Variants in ITPR1 observed in about 807,000 individuals in gnomAD.
The protein encoded by ITPR1 is inositol 1,4,5-trisphosphate-gated calcium channel ITPR1.
A neutral mutation model predicts 318.4 loss-of-function variants in ITPR1; 96 were observed. The observed-to-expected ratio is 0.30, with a 90% CI of 0.26 to 0.36. The LOEUF (loss-of-function observed/expected upper bound fraction) is 0.36, where lower values mean the gene tolerates loss of function less well. Ranked by LOEUF, ITPR1 falls within the 10% of genes least tolerant of loss-of-function variation. ITPR1 has a pLI of 1.00. For missense variants in ITPR1, 2,440 were observed against 3,460.2 expected, an observed-to-expected ratio of 0.71 and a Z score of 7.40; for synonymous variants, 1,312 against 1,289.9, an observed-to-expected ratio of 1.02 and a Z score of -0.37.
intron 46 of ITPR1, among the ~76,000 whole-genome samples, chr3:4,771,978 G>A (rs1359811778): frequency 6.6e-6 from 1 of 152,308 alleles, no homozygotes; most frequent in African/African-American, 2.4e-5. Flanking sequence ...GGGTTCTGCA[G>A]GGCCCAGTTA....
At chr3:4,734,105 G>A (rs193255147) in intron 43 of ITPR1, among the ~76,000 whole-genome samples, 88 of 152,350 alleles carry the variant, frequency 5.8e-4, no homozygotes, top group African/African-American at 2.0e-3. Flanking sequence ...AAAACTGGAA[G>A]CATAGCTGCC....
At chr3:4,683,059 A>G (rs759702057) in intron 26 of ITPR1, among the ~76,000 whole-genome samples, 1 of 152,350 alleles carries the variant, frequency 6.6e-6, no homozygotes, top group South Asian at 2.1e-4. Context: ...CTTAGGAGAA[A>G]CACATCCTCT....
At chr3:4,563,322 A>G (rs1182006606) in intron 4 of ITPR1, among the ~76,000 whole-genome samples, 1 of 152,124 alleles carries the variant, frequency 6.6e-6, no homozygotes, top group Non-Finnish European at 1.5e-5. Context: ...AGCCCGGGCA[A>G]CATAGGGACA....
At position 4,536,125 on chromosome 3, in the gene ITPR1, T is replaced by C. The variant is rs531384200; in HGVS notation, c.163+15031T>C. Among the ~76,000 whole-genome samples, 3 of 152,314 alleles carry C rather than the reference T, an allele frequency of 2.0e-5. No homozygotes were observed. The South Asian group carries it at 6.2e-4, about 32-fold the overall frequency. On this transcript the variant is annotated intron_variant, in intron 4 of 61. Transcript: ENST00000649015. ...CATTGACACTCTTCTCTGATTTTAT[T>C]ATCACCTGCCCTGGAGGCTGCAGAG...
chr3:4,802,253 A>G (rs1033555800), intron 54 of ITPR1, among the ~76,000 whole-genome samples: 2 of 152,194 alleles, frequency 1.3e-5, no homozygotes, highest in Non-Finnish European at 2.9e-5. Flanking sequence ...AGTTTTTTGT[A>G]AGTATCACTT....
chr3:4,736,376 C>T (rs2043271614), intron 44 of ITPR1, among the ~76,000 whole-genome samples: 3 of 152,224 alleles, frequency 2.0e-5, no homozygotes, highest in Admixed American at 2.0e-4. Context: ...AGTCAGTGTG[C>T]CCCCGGCCAG....
intron 4 of ITPR1, among the ~76,000 whole-genome samples, chr3:4,534,573 G>T (rs1423012376): frequency 6.6e-6 from 1 of 152,176 alleles, no homozygotes; most frequent in Non-Finnish European, 1.5e-5. Flanking sequence ...ACTCCAACTT[G>T]AGCAGTTGCA....
At position 4,814,518 on chromosome 3, in the gene ITPR1, A is replaced by T. The variant is rs759022547; in HGVS notation, c.7657A>T (p.Ser2553Cys). 1 of 1,587,472 alleles carries T rather than the reference A, an allele frequency of 6.3e-7. No homozygotes were observed. Among genetic ancestry groups the T allele is most frequent in the Admixed American group, 1.8e-5 (1 of 56,614 alleles). Residue 2553 changes from serine to cysteine, a missense_variant, in exon 58 of 62, where the codon AGC becomes TGC. This residue lies in a region of ITPR1 where 72 missense variants were observed against 197.7 expected (regional missense o/e 0.36). Transcript: ENST00000649015. ...IVTVLSHGLRSGGGVGDVLRK... is the reference protein window; with the variant it reads ...IVTVLSHGLRCGGGVGDVLRK... ...CACTGTGCTGAGTCACGGGCTGCGGAGCGGGGGTGGAGTAGGAGATGTACT... is the reference window on the plus strand; with the variant it reads ...CACTGTGCTGAGTCACGGGCTGCGGTGCGGGGGTGGAGTAGGAGATGTACT...
At chr3:4,514,665 T>C (rs960842968) in intron 2 of ITPR1, among the ~76,000 whole-genome samples, 14 of 152,184 alleles carry the variant, frequency 9.2e-5, no homozygotes, top group African/African-American at 3.4e-4. Context: ...GGAAATTCCC[T>C]GGTGTCCTTT....
chr3:4,747,718 C>A (rs930400299), intron 44 of ITPR1, among the ~76,000 whole-genome samples: 4 of 152,198 alleles, frequency 2.6e-5, no homozygotes, highest in African/African-American at 9.7e-5. Context: ...CATGTACTTC[C>A]AGCAAGTTCC....
chr3:4,767,662 G>T (rs114895879), intron 45 of ITPR1, among the ~76,000 whole-genome samples: 2 of 152,214 alleles, frequency 1.3e-5, no homozygotes, highest in Non-Finnish European at 2.9e-5. Flanking sequence ...GGGACTGCAA[G>T]TATGCACCAC....
intron 7 of ITPR1, 109 bp downstream of exon 7, chr3:4,642,360 T>C: frequency 1.3e-6 from 1 of 794,244 alleles, no homozygotes; most frequent in Non-Finnish European, 1.8e-6. Context: ...AGGCTTGTCC[T>C]GTGTAAAGAG....
chr3:4,735,522 T>C, intron 44 of ITPR1, 168 bp downstream of exon 44: 1 of 594,690 alleles, frequency 1.7e-6, no homozygotes, highest in Non-Finnish European at 3.0e-6. Context: ...CCTGCTGTGA[T>C]CATTTGGTCA....
intron 40 of ITPR1, among the ~76,000 whole-genome samples, chr3:4,721,240 G>T (rs115524808): frequency 0.018 from 2,640 of 146,468 alleles, 97 homozygotes; most frequent in African/African-American, 0.066. Flanking sequence ...GACTGAAGTT[G>T]TATAATTTGG....
At chr3:4,781,078 CATGTAACATGTTGTCTGCTCGATTT>C (rs1429312692) in intron 49 of ITPR1, among the ~76,000 whole-genome samples, 5 of 152,236 alleles carry the variant, frequency 3.3e-5, no homozygotes, top group Non-Finnish European at 5.9e-5. Context: ...CCTCAAATCG[CATGTAACATGTTGTCTGCTCGATTT>C]AGTATTTGAG....
chr3:4,588,099 C>G (rs1200291779), intron 4 of ITPR1, among the ~76,000 whole-genome samples: 1 of 152,194 alleles, frequency 6.6e-6, no homozygotes, highest in Non-Finnish European at 1.5e-5. Context: ...TGATGCTTAG[C>G]TGTCCCCTTA....
At chr3:4,565,986 T>C (rs2087205875) in intron 4 of ITPR1, among the ~76,000 whole-genome samples, 1 of 152,202 alleles carries the variant, frequency 6.6e-6, no homozygotes, top group African/African-American at 2.4e-5. Context: ...TCAGCTTCAC[T>C]CCTAGTGAAT....
Position 4,814,445 on chromosome 3 carries a change from G to A in ITPR1, c.7584G>A (p.Thr2528=), listed in dbSNP as rs752338252. 1.1e-5 allele frequency: 18 copies of A among 1,613,942 alleles called. No homozygotes were observed. The highest frequency in any genetic ancestry group is 5.3e-5 in the African/African-American group (4 of 75,030). Residue 2528 remains threonine (T), a synonymous_variant, in exon 58 of 62, where the codon ACG becomes ACA. Transcript: ENST00000649015. ...CAGAGCTGGTCCCTGCAGAAGAGAC[G>A]GAACAGGATAAAGAGCACACATGTG... The part of the protein sequence containing the change: ...PREELVPAEE[T]EQDKEHTCET...
At position 4,800,626 on chromosome 3, in the gene ITPR1, CTGT is replaced by C. The variant is rs544380213; in HGVS notation, c.7107+28_7107+30del. On this transcript the variant is annotated intron_variant, in intron 54 of 61. Transcript: ENST00000649015. ...GTAAGTGTGAATACCTTCCTTGCCACTGTTTTGTTTGCAGATTAATAGGAATGC... is the reference window on the plus strand; with the variant it reads ...GTAAGTGTGAATACCTTCCTTGCCACTTTGTTTGCAGATTAATAGGAATGC... The C allele has an allele frequency of 8.3e-5, 134 of 1,609,526 alleles. 1 individual carries two copies. In the African/African-American group the frequency reaches 1.5e-3, roughly 18 times the overall value.
Sources: gnomAD v4.1 joint callset for allele counts (sites outside exome capture counted in the v4.1 genomes callset) on GRCh38, gnomAD v4.1.1 for gene constraint, gnomAD v4.1.1 regional missense constraint, MANE v1.5 for transcripts, NCBI Gene and HGNC (gene_info 2026-07-23, HGNC 2026-07-21) for gene names.